The following ANKFY1 variants were observed in gnomAD, a reference collection of about 807,000 sequenced individuals.
ANKFY1 encodes the protein ankyrin repeat and FYVE domain-containing protein 1.
Under a neutral mutation model 128.3 loss-of-function variants are expected in ANKFY1, and 47 were observed. The ratio of observed to expected loss-of-function variants is 0.37; its 90% CI spans 0.29 to 0.47. The LOEUF (loss-of-function observed/expected upper bound fraction) is 0.47. Ranked by LOEUF, ANKFY1 falls within the 20% of genes least tolerant of loss-of-function variation. The pLI, the probability that ANKFY1 is intolerant of heterozygous loss-of-function variation, is 1.00. For synonymous variants in ANKFY1, 553 were observed against 601.6 expected (o/e 0.92, Z 1.18); for missense variants, 1,222 against 1,510.6 (o/e 0.81, Z 3.17).
Position 4,167,702 on chromosome 17 carries a change from G to T in ANKFY1, c.*77C>A. The T allele has an allele frequency of 7.0e-7, 1 of 1,434,512 alleles. No homozygotes were observed. 88.9% of individuals were successfully genotyped at this position (1,434,512 alleles called of 1,614,324 possible). ...AAGACACCCGCCAGCTCCTGCTCTG[G>T]GTGGGGTCAGGCTGGTGAGCAGAGC... On this transcript the variant is annotated 3_prime_UTR_variant, in exon 25 of 25. Transcript: ENST00000341657. The surrounding 1 kb of genome is among the most constrained non-coding windows in gnomAD (Gnocchi z 4.1).
Position 4,167,955 on chromosome 17 carries a change from A to G in ANKFY1, c.3378-44T>C. 3 of 1,590,440 alleles carry G rather than the reference A, an allele frequency of 1.9e-6. No homozygotes were observed. Among genetic ancestry groups the G allele is most frequent in the Non-Finnish European group, 2.6e-6 (3 of 1,165,398 alleles). On this transcript the variant is annotated intron_variant, in intron 24 of 24. Transcript: ENST00000341657. The surrounding 1 kb of genome is among the most constrained non-coding windows in gnomAD (Gnocchi z 4.1). ...GAAGTATGAGAGGAGCGCCAACGAC[A>G]GACTCTGCTTCCTGGCACGTGAGGA...
At chr17:4,187,540 C>G (rs1157247350) in intron 11 of ANKFY1, 2 of 355,950 alleles carry the variant, frequency 5.6e-6, no homozygotes, top group Admixed American at 9.4e-5. Flanking sequence ...CAGTGCTGGT[C>G]TCCAGTGCTT....
chr17:4,172,722 G>C, intron 21 of ANKFY1, 42 bp from the exon 22 acceptor site: 1 of 1,607,580 alleles, frequency 6.2e-7, no homozygotes, highest in Non-Finnish European at 8.5e-7. Flanking sequence ...TATCTGCCAT[G>C]GCCATCACAC....
chr17:4,242,177 G>A, intron 2 of ANKFY1, 79 bp downstream of exon 2: 1 of 1,343,018 alleles, frequency 7.4e-7, no homozygotes, highest in South Asian at 1.7e-5. Context: ...ATAAATTTTG[G>A]AAGAAAGTGA....
At chr17:4,183,954 G>T in intron 12 of ANKFY1, 44 bp from the exon 13 acceptor site, 2 of 1,523,884 alleles carry the variant, frequency 1.3e-6, no homozygotes, top group Non-Finnish European at 1.8e-6. Flanking sequence ...GTCACCATCT[G>T]TGGATCACAC....
intron 2 of ANKFY1, among the ~76,000 whole-genome samples, chr17:4,238,778 T>TA (rs1967051491): frequency 6.6e-6 from 1 of 150,864 alleles, no homozygotes. Flanking sequence ...GTTTTTTTTT[T>TA]AGACAGGGTC....
intron 2 of ANKFY1, 60 bp downstream of exon 2, chr17:4,242,196 A>G: frequency 7.1e-7 from 1 of 1,403,412 alleles, no homozygotes; most frequent in Non-Finnish European, 9.4e-7. Flanking sequence ...GAATGAGAAA[A>G]GCTGTAGTGT....
intron 3 of ANKFY1, among the ~76,000 whole-genome samples, chr17:4,220,212 G>T (rs903152583): frequency 6.6e-6 from 1 of 152,184 alleles, no homozygotes; most frequent in Non-Finnish European, 1.5e-5. Context: ...CAACCTAGGT[G>T]CTTCAGCTAA....
chr17:4,213,797 T>C (rs573283195), intron 4 of ANKFY1, among the ~76,000 whole-genome samples: 3 of 152,158 alleles, frequency 2.0e-5, no homozygotes, highest in African/African-American at 7.2e-5. Context: ...ATGGTCTCGA[T>C]CTCCTGACTT....
rs2059847493 is a variant in ANKFY1 at position 4,197,525 on chromosome 17, A to G, written c.951T>C (p.Ala317=). Residue 317 remains alanine, a synonymous_variant, in exon 8 of 25, where the codon GCT becomes GCC. Transcript: ENST00000341657. ...FLIKNGAFVN[A]ATLGAQETPL... ...GTGTCTCCTGGGCACCCAGTGTAGCAGCGTTGACAAAGGCCCCATTCTTAA... is the reference window on the plus strand; with the variant it reads ...GTGTCTCCTGGGCACCCAGTGTAGCGGCGTTGACAAAGGCCCCATTCTTAA... The G allele has an allele frequency of 1.9e-6, 3 of 1,614,104 alleles. No homozygotes were observed. Among genetic ancestry groups the G allele is most frequent in the Middle Eastern group, 1.6e-4 (1 of 6,084 alleles).
At chr17:4,200,131 G>A (rs1035017258) in intron 7 of ANKFY1, among the ~76,000 whole-genome samples, 3 of 150,270 alleles carry the variant, frequency 2.0e-5, no homozygotes, top group Non-Finnish European at 3.0e-5. Flanking sequence ...TCATCATCAC[G>A]GCTCACTGCA....
chr17:4,252,999 C>T (rs757812616), intron 1 of ANKFY1, among the ~76,000 whole-genome samples: 67 of 152,300 alleles, frequency 4.4e-4, no homozygotes, highest in Middle Eastern at 3.4e-3. Context: ...AAACCAGGAT[C>T]ACTTGAGGTC....
At chr17:4,224,946 T>G (rs1243209732) in intron 3 of ANKFY1, among the ~76,000 whole-genome samples, 2 of 151,924 alleles carry the variant, frequency 1.3e-5, no homozygotes, top group Non-Finnish European at 2.9e-5. Context: ...TTGTCGTTTT[T>G]TTTTTTTTTT....
intron 1 of ANKFY1, among the ~76,000 whole-genome samples, chr17:4,252,033 TAA>T (rs537446947): frequency 1.6e-4 from 15 of 94,314 alleles, no homozygotes; most frequent in Admixed American, 4.8e-4. Context: ...GACTCCGTCT[TAA>T]AAAAAAAAAA....
At chr17:4,207,511 G>A (rs1254145764) in intron 6 of ANKFY1, among the ~76,000 whole-genome samples, 1 of 152,158 alleles carries the variant, frequency 6.6e-6, no homozygotes, top group Admixed American at 6.5e-5. Flanking sequence ...CTGGAAAGAA[G>A]CACAGCCTGC....
At chr17:4,172,211 C>T (rs2059334406) in intron 22 of ANKFY1, among the ~76,000 whole-genome samples, 1 of 152,152 alleles carries the variant, frequency 6.6e-6, no homozygotes, top group Admixed American at 6.5e-5. Context: ...TTTGAAGATC[C>T]TGTGAGATGC....
chr17:4,177,283 T>C lies in ANKFY1; in HGVS notation c.2618A>G (p.Asn873Ser). 6.3e-7 allele frequency: 1 copy of C among 1,592,814 alleles called. No individual in the cohort carries two copies. Among genetic ancestry groups the C allele is most frequent in the Non-Finnish European group, 8.5e-7 (1 of 1,169,782 alleles). ...GTTCTGAACTGCCACATGAAGGAAA[T>C]TCCGGCCCTTGTTATCCACCTACAG... ...AAEQVDNKGR[N>S]FLHVAVQNSD... is the part of the protein sequence containing the mutation. Residue 873 changes from asparagine (N) to serine (S), a missense_variant, in exon 19 of 25, where the codon AAT (asparagine) becomes AGT (serine). Transcript: ENST00000341657.
At chr17:4,231,324 C>T (rs2060508832) in intron 3 of ANKFY1, among the ~76,000 whole-genome samples, 1 of 151,926 alleles carries the variant, frequency 6.6e-6, no homozygotes, top group African/African-American at 2.4e-5. Flanking sequence ...AGCAAGAGCC[C>T]ATCTCTATTA....
intron 1 of ANKFY1, among the ~76,000 whole-genome samples, chr17:4,254,794 G>C (rs1198978036): frequency 2.0e-5 from 3 of 152,170 alleles, no homozygotes; most frequent in African/African-American, 7.2e-5. Context: ...TTTGCAATAA[G>C]ACAGAAAGTG....
Sources: gnomAD v4.1 joint callset for allele counts (sites outside exome capture counted in the v4.1 genomes callset) on GRCh38, gnomAD v4.1.1 for gene constraint, Gnocchi (gnomAD v3.1) non-coding constraint, MANE v1.5 for transcripts, NCBI Gene and HGNC (gene_info 2026-07-23, HGNC 2026-07-21) for gene names.